Variants in RBM33 observed in about 807,000 individuals in gnomAD.
The protein encoded by RBM33 is RNA-binding protein 33.
A neutral mutation model predicts 132.6 loss-of-function variants in RBM33; 28 were observed. The observed-to-expected ratio is 0.21, with a 90% CI of 0.16 to 0.29. The LOEUF (loss-of-function observed/expected upper bound fraction) is 0.29. RBM33 is among the 10% of genes least tolerant of loss of function. RBM33 has a pLI of 1.00. For missense variants in RBM33, 1,291 were observed against 1,518.5 expected (o/e 0.85, Z 2.49); for synonymous variants, 634 against 593.0 (o/e 1.07, Z -1.01).
rs1798120413 is a variant in RBM33, at chr7:155,644,701, T to C, written c.-176T>C. 2.1e-6 allele frequency: 1 copy of C among 478,392 alleles called. No homozygotes were observed. 29.6% of individuals were successfully genotyped at this position (478,392 alleles called of 1,614,324 possible). ...GCCATGTTGCGGTAGTTTGTTGTTT[T>C]CTTCCTGCGGAGGCGAAGGGCCAGC... On this transcript the variant is annotated 5_prime_UTR_variant, in exon 1 of 18. Coordinates refer to ENST00000401878, the MANE Select transcript of RBM33 (RefSeq NM_053043.3).
In RBM33 at chr7:155,745,428, T is replaced by C. The variant is rs780566655; in HGVS notation, c.2805T>C (p.Pro935=). 9 of 1,613,804 alleles carry C rather than the reference T, an allele frequency of 5.6e-6. No homozygotes were observed. Among genetic ancestry groups the C allele is most frequent in the Non-Finnish European group, 2.5e-6 (3 of 1,179,836 alleles). The stretch of plus-strand genomic sequence containing the variant: ...TGCATAAAGTGCTCCCGATCAAACC[T>C]GCAGATGTGGAGGAGCCAGCTGTCC... ...QPLHKVLPIK[P]ADVEEPAVPQ... The change falls in exon 14 of 18, where the codon CCT becomes CCC. Residue 935 remains proline (P), a synonymous_variant. Coordinates refer to ENST00000401878, the MANE Select transcript of RBM33 (RefSeq NM_053043.3). This position sits in a 1 kb window ranked among gnomAD's most constrained non-coding sequence, Gnocchi z 4.1.
intron 9 of RBM33, among the ~76,000 whole-genome samples, chr7:155,723,048 A>G (rs563182068): frequency 1.1e-4 from 16 of 152,316 alleles, no homozygotes; most frequent in Admixed American, 1.0e-3. Context: ...CGAGGTTCGT[A>G]TTTGTGTTTA....
chr7:155,722,102 G>A (rs757057360), intron 9 of RBM33, among the ~76,000 whole-genome samples: 6 of 152,228 alleles, frequency 3.9e-5, no homozygotes, highest in East Asian at 1.9e-4. Context: ...AGATATGCAC[G>A]TTAGTTCTGA....
chr7:155,702,356 C>T (rs1289126362), intron 6 of RBM33, among the ~76,000 whole-genome samples: 1 of 152,130 alleles, frequency 6.6e-6, no homozygotes, highest in Non-Finnish European at 1.5e-5. Context: ...AATCTTTGTT[C>T]TCTTTTTCTT....
intron 2 of RBM33, among the ~76,000 whole-genome samples, chr7:155,668,526 T>C (rs868802272): frequency 1.1e-4 from 16 of 152,210 alleles, no homozygotes; most frequent in Non-Finnish European, 1.9e-4. Flanking sequence ...TAGTAAGTAT[T>C]GCTGTGTTCC....
chr7:155,747,404 G>A lies in RBM33; in HGVS notation c.2979+1802G>A, dbSNP rs201573952. ...GTTGGGAATTAGGCCTTTTCCCATAGCAACCAGAACTGGTGCTGTTTGTTA... is the reference window on the plus strand; with the variant it reads ...GTTGGGAATTAGGCCTTTTCCCATAACAACCAGAACTGGTGCTGTTTGTTA... On this transcript the variant is annotated intron_variant, in intron 14 of 17. Coordinates refer to ENST00000401878, the MANE Select transcript of RBM33 (RefSeq NM_053043.3). Among the ~76,000 whole-genome samples the A allele has an allele frequency of 6.6e-5, 10 of 152,270 alleles. No homozygotes were observed. The East Asian group carries it at 1.7e-3, about 26-fold the overall frequency.
At chr7:155,664,731 ATC>A (rs1798754266) in intron 1 of RBM33, among the ~76,000 whole-genome samples, 1 of 152,216 alleles carries the variant, frequency 6.6e-6, no homozygotes, top group Non-Finnish European at 1.5e-5. Flanking sequence ...TGCTCAGCAC[ATC>A]TCTGCATTAT....
At chr7:155,710,216 G>T (rs1377708274) in intron 7 of RBM33, among the ~76,000 whole-genome samples, 1 of 152,216 alleles carries the variant, frequency 6.6e-6, no homozygotes, top group African/African-American at 2.4e-5. Flanking sequence ...GTGGTCTACT[G>T]CTAATTAGCT....
intron 5 of RBM33, among the ~76,000 whole-genome samples, chr7:155,687,736 C>T (rs1392948064): frequency 6.6e-6 from 1 of 152,168 alleles, no homozygotes; most frequent in East Asian, 1.9e-4. Flanking sequence ...AATAGGGGAT[C>T]CTTTCCCCAT....
chr7:155,673,503 TAC>T (rs1322630247), intron 3 of RBM33, among the ~76,000 whole-genome samples: 2 of 148,920 alleles, frequency 1.3e-5, no homozygotes, highest in Non-Finnish European at 3.0e-5. Flanking sequence ...CACACATATA[TAC>T]ATACACACGT....
At position 155,775,925 on chromosome 7, in the gene RBM33, C is replaced by A. The variant is rs1311860940; in HGVS notation, c.*884C>A. On this transcript the variant is annotated 3_prime_UTR_variant, in exon 18 of 18. Transcript: ENST00000401878. Reference sequence around the variant, plus strand: ...CACTGGCTCTGTGATACATGACATTCTTTGGGAATTTGGTGGCCACTGCTT... The same window carrying A: ...CACTGGCTCTGTGATACATGACATTATTTGGGAATTTGGTGGCCACTGCTT... 6.6e-6 allele frequency: 1 copy of A among 152,210 alleles called. No homozygotes were observed. The highest frequency in any genetic ancestry group is 1.5e-5 in the Non-Finnish European group (1 of 68,078). 9.4% of individuals were successfully genotyped at this position (152,210 alleles called of 1,614,324 possible).
chr7:155,679,134 T>G (rs1799264774), intron 4 of RBM33, among the ~76,000 whole-genome samples: 1 of 152,038 alleles, frequency 6.6e-6, no homozygotes, highest in Non-Finnish European at 1.5e-5. Context: ...ATTGTGCCAC[T>G]GCACTCCAGC....
At chr7:155,729,299 G>A (rs945408989) in intron 9 of RBM33, among the ~76,000 whole-genome samples, 1 of 152,180 alleles carries the variant, frequency 6.6e-6, no homozygotes, top group African/African-American at 2.4e-5. Context: ...TGAGATTTGG[G>A]TGGGGATGCA....
intron 6 of RBM33, among the ~76,000 whole-genome samples, chr7:155,703,996 C>A (rs532051399): frequency 2.0e-5 from 3 of 151,964 alleles, no homozygotes; most frequent in Non-Finnish European, 4.4e-5. Context: ...ACACTTCATT[C>A]TTTAAGAGGG....
intron 7 of RBM33, among the ~76,000 whole-genome samples, chr7:155,708,455 G>A (rs756616612): frequency 1.3e-5 from 2 of 152,196 alleles, no homozygotes; most frequent in East Asian, 1.9e-4. Flanking sequence ...CAGTGTTTAC[G>A]TAATTGTGTC....
intron 1 of RBM33, among the ~76,000 whole-genome samples, chr7:155,658,590 G>A (rs1798556509): frequency 6.6e-6 from 1 of 151,888 alleles, no homozygotes; most frequent in African/African-American, 2.4e-5. Context: ...TAGTAGAGAC[G>A]GGGTTTCACC....
intron 5 of RBM33, among the ~76,000 whole-genome samples, chr7:155,694,860 G>T (rs1351513676): frequency 6.6e-6 from 1 of 152,154 alleles, no homozygotes; most frequent in African/African-American, 2.4e-5. Context: ...GCTACTAAAA[G>T]GATCATATTA....
At chr7:155,675,321 A>G (rs1799151234) in intron 3 of RBM33, among the ~76,000 whole-genome samples, 1 of 150,900 alleles carries the variant, frequency 6.6e-6, no homozygotes, top group African/African-American at 2.4e-5. Context: ...AAAAAGAATT[A>G]TAGATATAAA....
chr7:155,720,705 A>G (rs1396677647), intron 9 of RBM33, among the ~76,000 whole-genome samples: 3 of 152,236 alleles, frequency 2.0e-5, no homozygotes, highest in Non-Finnish European at 4.4e-5. Context: ...ATTTAAGAAT[A>G]GTGAAGACAA....
Sources: allele counts gnomAD v4.1 joint callset (sites outside exome capture counted in the v4.1 genomes callset), GRCh38; gene constraint gnomAD v4.1.1; non-coding constraint Gnocchi (gnomAD v3.1); transcripts MANE v1.5; gene names NCBI Gene and HGNC (gene_info 2026-07-23, HGNC 2026-07-21).